PARP8: variants seen among roughly 807,000 people sequenced by gnomAD.
The protein encoded by PARP8 is poly(ADP-ribose) polymerase family member 8.
In PARP8, 51 loss-of-function variants were observed where a neutral mutation model predicts 124.1. That is an observed-to-expected ratio of 0.41 (90% CI 0.33 to 0.52). The LOEUF (loss-of-function observed/expected upper bound fraction) is 0.52. PARP8 is among the 20% of genes least tolerant of loss of function. The pLI is 0.21. For synonymous variants in PARP8, 391 were observed against 361.5 expected (o/e 1.08, Z -0.93); for missense variants, 860 against 1,018.9 (o/e 0.84, Z 2.12).
chr5:50,796,405 T>TCCTA (rs1472072056), intron 12 of PARP8, among the ~76,000 whole-genome samples: 17 of 152,210 alleles, frequency 1.1e-4, no homozygotes, highest in African/African-American at 4.1e-4. Context: ...AGAAGCCCAT[T>TCCTA]CCTACTCAAA....
chr5:50,822,175 T>C (rs533338844), intron 16 of PARP8, among the ~76,000 whole-genome samples, 160 bp from the exon 17 acceptor site: 2 of 152,326 alleles, frequency 1.3e-5, no homozygotes, highest in Non-Finnish European at 2.9e-5. Flanking sequence ...AGCCATCTTA[T>C]TATAGTCTTC....
intron 2 of PARP8, among the ~76,000 whole-genome samples, chr5:50,706,845 T>C (rs1351705085): frequency 2.6e-5 from 4 of 152,128 alleles, no homozygotes; most frequent in African/African-American, 7.2e-5. Flanking sequence ...AGAGTGCTTT[T>C]ACTTAAGTAA....
At chr5:50,787,546 A>G (rs944028929) in intron 9 of PARP8, among the ~76,000 whole-genome samples, 3 of 152,052 alleles carry the variant, frequency 2.0e-5, no homozygotes, top group Admixed American at 6.6e-5. Context: ...CTTTATTGCC[A>G]TCTAGCATTG....
chr5:50,726,482 G>C (rs1255753455), intron 2 of PARP8, among the ~76,000 whole-genome samples: 2 of 152,054 alleles, frequency 1.3e-5, no homozygotes, highest in African/African-American at 4.8e-5. Context: ...TTCTTGTTTA[G>C]CCACATGATT....
chr5:50,765,594 G>A (rs1760981809), intron 7 of PARP8, among the ~76,000 whole-genome samples: 1 of 152,166 alleles, frequency 6.6e-6, no homozygotes, highest in Non-Finnish European at 1.5e-5. Flanking sequence ...CTTTTCACTT[G>A]TAATAGTTTT....
At chr5:50,689,941 G>A (rs1029780333) in intron 2 of PARP8, among the ~76,000 whole-genome samples, 9 of 152,140 alleles carry the variant, frequency 5.9e-5, no homozygotes, top group East Asian at 1.9e-4. Flanking sequence ...TGTACCTCAC[G>A]TCCATTCTTG....
intron 2 of PARP8, among the ~76,000 whole-genome samples, chr5:50,730,965 G>A (rs1228145846): frequency 3.3e-5 from 5 of 152,208 alleles, no homozygotes; most frequent in Non-Finnish European, 7.3e-5. Context: ...TTGACTGCAT[G>A]TTCAGGAATA....
intron 10 of PARP8, 71 bp from the exon 11 acceptor site, chr5:50,794,136 A>G (rs1181229235): frequency 2.0e-6 from 3 of 1,477,118 alleles, no homozygotes; most frequent in African/African-American, 1.4e-5. Context: ...CATTTTCTAC[A>G]TAATAAATAC....
At chr5:50,721,428 GT>G (rs1426429063) in intron 2 of PARP8, among the ~76,000 whole-genome samples, 1 of 151,938 alleles carries the variant, frequency 6.6e-6, no homozygotes, top group East Asian at 1.9e-4. Context: ...TGTGCCTTCT[GT>G]TGTAGTCCAT....
chr5:50,824,827 C>T (rs1238881250), intron 17 of PARP8, 81 bp from the exon 18 acceptor site: 31 of 1,122,454 alleles, frequency 2.8e-5, no homozygotes, highest in Non-Finnish European at 3.3e-5. Flanking sequence ...TTAGGCATAT[C>T]GTTTGGTCTG....
intron 2 of PARP8, chr5:50,668,974 A>C (rs1034243392): frequency 1.3e-5 from 2 of 152,240 alleles, no homozygotes; most frequent in Non-Finnish European, 2.9e-5. Flanking sequence ...ACATTCCAAA[A>C]TATATCTTAG....
At chr5:50,697,171 G>A (rs535737572) in intron 2 of PARP8, among the ~76,000 whole-genome samples, 23 of 152,246 alleles carry the variant, frequency 1.5e-4, no homozygotes, top group African/African-American at 4.8e-4. Context: ...CAGGAGAATC[G>A]CTTGAACCAG....
At chr5:50,666,206 T>A (rs1215128135), upstream of PARP8, 2 of 152,254 alleles carry the variant, frequency 1.3e-5, no homozygotes, top group East Asian at 3.9e-4. Context: ...CTGGAGTAAT[T>A]TTAAGGCCTT....
intron 9 of PARP8, among the ~76,000 whole-genome samples, chr5:50,780,868 CTTTT>C (rs889814835): frequency 2.6e-5 from 4 of 152,024 alleles, no homozygotes; most frequent in African/African-American, 9.7e-5. Context: ...AGTATTTTAA[CTTTT>C]TTTATTTGCA....
chr5:50,756,690 T>C (rs1217849842), intron 3 of PARP8, among the ~76,000 whole-genome samples: 2 of 152,184 alleles, frequency 1.3e-5, no homozygotes, highest in Non-Finnish European at 2.9e-5. Context: ...TGATTTGATA[T>C]ATGTATACAT....
intron 7 of PARP8, among the ~76,000 whole-genome samples, chr5:50,776,200 T>C (rs1365672657): frequency 1.3e-5 from 2 of 152,252 alleles, no homozygotes; most frequent in Non-Finnish European, 2.9e-5. Context: ...TTGATTTGCA[T>C]ATGTTGAATC....
chr5:50,824,810 T>A, intron 17 of PARP8, 98 bp from the exon 18 acceptor site: 2 of 881,390 alleles, frequency 2.3e-6, no homozygotes, highest in East Asian at 5.0e-5. Context: ...TTTTAAGTCT[T>A]ACTAGATTAG....
At position 50,834,033 on chromosome 5, in the gene PARP8, A is replaced by G. The variant is rs1205197368; in HGVS notation, c.2362A>G (p.Ile788Val). The part of the protein sequence containing the change: ...QFLQSRNLKC[I>V]ALCEVITSSD... ...CCTGCAAAGCCGTAACTTAAAATGC[A>G]TAGCCTTATGTGAAGGTAAGTTGAA... Residue 788 changes from isoleucine to valine, a missense_variant, in exon 24 of 26, where the codon ATA becomes GTA. Physicochemically the swap from Ile to Val is conservative, Grantham distance 29. Around this residue, in one of 2 missense-constraint regions of PARP8, gnomAD observed 343 missense variants for 474.7 expected, o/e 0.72. Transcript: ENST00000281631. The G allele has an allele frequency of 1.2e-6, 2 of 1,612,232 alleles. No individual in the cohort carries two copies. The highest frequency in any genetic ancestry group is 1.7e-4 in the Middle Eastern group (1 of 6,044).
chr5:50,768,785 G>A (rs1410957260), intron 7 of PARP8, among the ~76,000 whole-genome samples: 1 of 152,098 alleles, frequency 6.6e-6, no homozygotes, highest in Non-Finnish European at 1.5e-5. Context: ...TGATGACTGG[G>A]TCGCTGCATC....
Sources: allele counts gnomAD v4.1 joint callset (sites outside exome capture counted in the v4.1 genomes callset), GRCh38; gene constraint gnomAD v4.1.1; regional missense constraint gnomAD v4.1.1; transcripts MANE v1.5; gene names NCBI Gene and HGNC (gene_info 2026-07-23, HGNC 2026-07-21).